The following FGF14 variants were observed in gnomAD, a reference collection of about 807,000 sequenced individuals.
The protein encoded by FGF14 is fibroblast growth factor 14.
A neutral mutation model predicts 25.5 loss-of-function variants in FGF14; 5 were observed. The observed-to-expected ratio is 0.20, with a 90% CI of 0.10 to 0.41. FGF14 has a LOEUF of 0.41. Among genes scored for constraint, FGF14 ranks in the 10% least tolerant of loss-of-function variants. The probability of loss-of-function intolerance (pLI) is 1.00; values close to 1 mark genes in which losing one functional copy is unlikely to be tolerated. For synonymous variants in FGF14, 138 were observed against 118.3 expected, an observed-to-expected ratio of 1.17 and a Z score of -1.08; for missense variants, 222 against 320.1, an observed-to-expected ratio of 0.69 and a Z score of 2.34.
chr13:102,401,788 T>TC (rs1188099482), upstream of FGF14: 20 of 928,652 alleles, frequency 2.2e-5, no homozygotes, highest in South Asian at 2.2e-4. Flanking sequence ...GAATGATTTA[T>TC]CCCCCCTCGA....
At chr13:102,265,096 CA>C (rs2052922431) in intron 1 of FGF14, among the ~76,000 whole-genome samples, 1 of 152,088 alleles carries the variant, frequency 6.6e-6, no homozygotes, top group African/African-American at 2.4e-5. Context: ...AACCAAAAAA[CA>C]ATTTAAAATG....
chr13:102,156,312 A>G (rs1187895950), intron 1 of FGF14, among the ~76,000 whole-genome samples: 3 of 152,212 alleles, frequency 2.0e-5, no homozygotes, highest in Non-Finnish European at 4.4e-5. Context: ...CTTATCCACC[A>G]TGATCAAGTG....
intron 1 of FGF14, among the ~76,000 whole-genome samples, chr13:102,234,221 C>T (rs1194623219): frequency 6.6e-6 from 1 of 150,594 alleles, no homozygotes; most frequent in Non-Finnish European, 1.5e-5. Context: ...GAAATATACG[C>T]TTAAATGTGA....
At position 102,080,036 on chromosome 13, in the gene FGF14, G is replaced by A. The variant is rs539342665; in HGVS notation, c.209-204740C>T. 8.5e-5 allele frequency among the ~76,000 whole-genome samples: 13 copies of A among 152,210 alleles called. No individual in the cohort carries two copies. In the East Asian group the frequency reaches 9.7e-4, roughly 11 times the overall value. On this transcript the variant is annotated intron_variant, in intron 1 of 4. Coordinates refer to the FGF14 transcript ENST00000376131. ...CTGGGAGATGCATTCATGACGCACC[G>A]GGCAAGGATGGGGTGGGAGGGAAGA...
intron 1 of FGF14, among the ~76,000 whole-genome samples, chr13:102,121,352 C>A: frequency 6.6e-6 from 1 of 152,098 alleles, no homozygotes. Context: ...CCATACTCTT[C>A]ACCATTTTTT....
In FGF14 at chr13:101,713,631, G is replaced by A. The variant is rs550324998; in HGVS notation, c.*9200C>T. On this transcript the variant is annotated 3_prime_UTR_variant, in exon 5 of 5. Coordinates refer to ENST00000376143, the MANE Select transcript of FGF14 (RefSeq NM_004115.4). ...TCTGTCATGGAAAGCTGTTTAGACT[G>A]AGAGAACTTCTGTCTTGGATACCAT... 9.9e-5 allele frequency: 15 copies of A among 152,164 alleles called. No homozygotes were observed. Among genetic ancestry groups the A allele is most frequent in the Non-Finnish European group, 1.6e-4 (11 of 68,034 alleles). The allele number at this position is 152,164 out of a possible 1,614,324, so 9.4% of individuals were successfully genotyped here. A position where few individuals can be genotyped will look rare whatever the true frequency, so the allele number is the denominator to read the frequency against.
chr13:101,892,055 G>A (rs1031281841), intron 1 of FGF14, among the ~76,000 whole-genome samples: 6 of 152,108 alleles, frequency 3.9e-5, no homozygotes, highest in Non-Finnish European at 8.8e-5. Context: ...AGACTTACAG[G>A]AGAACTGATA....
chr13:101,887,106 T>A (rs1035941653), intron 1 of FGF14, among the ~76,000 whole-genome samples: 11 of 151,990 alleles, frequency 7.2e-5, no homozygotes, highest in African/African-American at 2.7e-4. Flanking sequence ...GAAAGTAAAT[T>A]AGTACAGCCA....
intron 1 of FGF14, among the ~76,000 whole-genome samples, chr13:102,164,232 G>A (rs1195352307): frequency 6.6e-6 from 1 of 152,162 alleles, no homozygotes; most frequent in Non-Finnish European, 1.5e-5. Flanking sequence ...GGATCTTTCT[G>A]TTCCTAGCCA....
At chr13:102,259,018 A>G (rs570503187) in intron 1 of FGF14, among the ~76,000 whole-genome samples, 2 of 152,184 alleles carry the variant, frequency 1.3e-5, no homozygotes, top group African/African-American at 2.4e-5. Context: ...AAAAAAGAAC[A>G]TGATCTGAAA....
intron 1 of FGF14, among the ~76,000 whole-genome samples, chr13:102,287,866 C>A (rs1236380496): frequency 1.3e-5 from 2 of 152,180 alleles, no homozygotes; most frequent in African/African-American, 4.8e-5. Flanking sequence ...ACTCTCTAAT[C>A]GTCTTCTTAT....
intron 1 of FGF14, among the ~76,000 whole-genome samples, chr13:102,075,399 C>A (rs941316331): frequency 5.3e-5 from 8 of 152,120 alleles, no homozygotes; most frequent in Non-Finnish European, 7.3e-5. Flanking sequence ...AAGACAGTGG[C>A]CCTATAAGAT....
At chr13:102,018,316 A>G (rs1309865415) in intron 1 of FGF14, among the ~76,000 whole-genome samples, 1 of 152,076 alleles carries the variant, frequency 6.6e-6, no homozygotes, top group Non-Finnish European at 1.5e-5. Context: ...AGAGTCCGCA[A>G]CCAAATAACT....
chr13:101,781,578 T>C (rs1318048519), intron 3 of FGF14, among the ~76,000 whole-genome samples: 2 of 152,178 alleles, frequency 1.3e-5, no homozygotes, highest in African/African-American at 2.4e-5. Flanking sequence ...TATTAAAAAA[T>C]ATGGAGTATC....
intron 3 of FGF14, among the ~76,000 whole-genome samples, chr13:101,782,069 A>G (rs1365838398): frequency 6.6e-6 from 1 of 152,076 alleles, no homozygotes; most frequent in Admixed American, 6.6e-5. Flanking sequence ...ACTGACCTTC[A>G]GTTTGAATTC....
intron 1 of FGF14, among the ~76,000 whole-genome samples, chr13:102,099,487 A>G (rs908920046): frequency 4.6e-5 from 7 of 152,174 alleles, no homozygotes; most frequent in African/African-American, 1.7e-4. Flanking sequence ...TTTATTAAGC[A>G]TCCATTATTG....
chr13:101,814,589 C>G (rs1399953838), intron 3 of FGF14, among the ~76,000 whole-genome samples: 3 of 152,108 alleles, frequency 2.0e-5, no homozygotes, highest in African/African-American at 7.2e-5. Context: ...CACTTTCATC[C>G]CTACCCCCAA....
intron 1 of FGF14, among the ~76,000 whole-genome samples, chr13:102,132,811 G>T (rs2046257593): frequency 6.6e-6 from 1 of 152,048 alleles, no homozygotes; most frequent in Admixed American, 6.6e-5. Context: ...GTGAGCCCCT[G>T]CACCCGGCCC....
intron 1 of FGF14, among the ~76,000 whole-genome samples, chr13:101,888,413 T>G (rs1338660667): frequency 3.9e-5 from 6 of 152,200 alleles, no homozygotes; most frequent in African/African-American, 1.4e-4. Flanking sequence ...GCATTTTCTG[T>G]GTGCATATAC....
Sources: gnomAD v4.1 joint callset for allele counts (sites outside exome capture counted in the v4.1 genomes callset) on GRCh38, gnomAD v4.1.1 for gene constraint, MANE v1.5 for transcripts, NCBI Gene and HGNC (gene_info 2026-07-23, HGNC 2026-07-21) for gene names.